Variants in XIRP2 observed in about 807,000 individuals in gnomAD.
XIRP2 encodes xin actin-binding repeat-containing protein 2.
Under a neutral mutation model 277.0 loss-of-function variants are expected in XIRP2, and 236 were observed. That is an observed-to-expected ratio of 0.85 (90% CI 0.77 to 0.95). The LOEUF (loss-of-function observed/expected upper bound fraction) is 0.95. XIRP2 is among the 40% of genes least tolerant of loss of function. XIRP2 has a pLI of 0.00. For missense variants in XIRP2, 4,640 were observed against 4,157.5 expected (o/e 1.12, Z -3.19); for synonymous variants, 1,490 against 1,416.5 (o/e 1.05, Z -1.17).
At chr2:166,983,243 T>A (rs1286128863) in intron 2 of XIRP2, among the ~76,000 whole-genome samples, 1 of 152,214 alleles carries the variant, frequency 6.6e-6, no homozygotes, top group Non-Finnish European at 1.5e-5. Flanking sequence ...ATATAATTTT[T>A]AATTCTACCT....
At chr2:167,143,109 G>C (rs1691767755) in intron 3 of XIRP2, among the ~76,000 whole-genome samples, 2 of 152,104 alleles carry the variant, frequency 1.3e-5, no homozygotes, top group South Asian at 2.1e-4. Context: ...ACACAGAATG[G>C]GAGCAGTAGT....
chr2:167,087,137 C>G (rs563986928), intron 2 of XIRP2, among the ~76,000 whole-genome samples: 134 of 152,234 alleles, frequency 8.8e-4, no homozygotes, highest in African/African-American at 3.1e-3. Context: ...GATGTCCTTT[C>G]TGTTTGTTAG....
intron 2 of XIRP2, among the ~76,000 whole-genome samples, chr2:166,950,125 C>G (rs1414281384): frequency 6.6e-6 from 1 of 151,946 alleles, no homozygotes; most frequent in African/African-American, 2.4e-5. Context: ...CCTTAAAATT[C>G]TAAGATATTA....
chr2:166,943,450 A>T (rs1488239905), intron 2 of XIRP2, among the ~76,000 whole-genome samples: 1 of 152,214 alleles, frequency 6.6e-6, no homozygotes, highest in East Asian at 1.9e-4. Context: ...TCTTCAGAAG[A>T]TCCAGCAAGG....
At chr2:166,902,338 G>T (rs1354930688) in intron 1 of XIRP2, among the ~76,000 whole-genome samples, 1 of 152,070 alleles carries the variant, frequency 6.6e-6, no homozygotes, top group Non-Finnish European at 1.5e-5. Flanking sequence ...TCTAATGTGT[G>T]CATTGAGTCC....
chr2:167,214,426 G>A (rs1012156304), intron 4 of XIRP2, among the ~76,000 whole-genome samples: 18 of 145,338 alleles, frequency 1.2e-4, no homozygotes, highest in African/African-American at 4.3e-4. Context: ...GCAGTGAGCC[G>A]AGATCGTGCT....
At chr2:167,118,494 TAAAATAAAA>T (rs1419481288) in intron 2 of XIRP2, among the ~76,000 whole-genome samples, 7 of 131,624 alleles carry the variant, frequency 5.3e-5, no homozygotes, top group Admixed American at 7.9e-5. Context: ...TAAAATAAAA[TAAAATAAAA>T]TAAAATAAAA....
Position 166,925,434 on chromosome 2 carries a change from G to A in XIRP2, c.408+21544G>A, listed in dbSNP as rs575743709. The stretch of plus-strand genomic sequence containing the variant: ...TGTATTGCTTTTTAGTTTATAGCAC[G>A]TTTAATTTCTCATCTATTATGATAT... On this transcript the variant is annotated intron_variant, in intron 2 of 10. Transcript: ENST00000409195. Among the ~76,000 whole-genome samples, 6 of 151,616 alleles carry A rather than the reference G, an allele frequency of 4.0e-5. No homozygotes were observed. The South Asian group carries it at 8.3e-4, about 21-fold the overall frequency.
At chr2:167,006,329 C>T (rs1037649327) in intron 2 of XIRP2, among the ~76,000 whole-genome samples, 7 of 151,318 alleles carry the variant, frequency 4.6e-5, no homozygotes, top group South Asian at 2.1e-4. Context: ...AATGGTGGGG[C>T]GGGGGGAATG....
At chr2:167,005,792 A>C in intron 2 of XIRP2, among the ~76,000 whole-genome samples, 1 of 69,294 alleles carries the variant, frequency 1.4e-5, no homozygotes, top group South Asian at 5.6e-4. Flanking sequence ...TTATTGATAA[A>C]AAAAAAAAAA....
chr2:167,096,959 T>C (rs2105281915), intron 2 of XIRP2, among the ~76,000 whole-genome samples: 1 of 152,306 alleles, frequency 6.6e-6, no homozygotes, highest in South Asian at 2.1e-4. Context: ...AGTGTTTTAC[T>C]TCCAATTATG....
At chr2:167,224,455 C>T (rs1694533731) in intron 5 of XIRP2, among the ~76,000 whole-genome samples, 1 of 151,730 alleles carries the variant, frequency 6.6e-6, no homozygotes, top group South Asian at 2.1e-4. Flanking sequence ...CCATTTTTCT[C>T]AGACTGGTCT....
intron 2 of XIRP2, among the ~76,000 whole-genome samples, chr2:166,937,691 T>A (rs1192433746): frequency 6.6e-6 from 1 of 152,212 alleles, no homozygotes; most frequent in Non-Finnish European, 1.5e-5. Flanking sequence ...TCCTTGTACC[T>A]CTGGTAGAAT....
chr2:166,961,572 T>A (rs139286233), intron 2 of XIRP2, among the ~76,000 whole-genome samples: 5 of 151,786 alleles, frequency 3.3e-5, no homozygotes, highest in African/African-American at 4.8e-5. Flanking sequence ...ACAATAGTTA[T>A]AACAATAATC....
At chr2:166,934,619 A>C (rs1216988650) in intron 2 of XIRP2, among the ~76,000 whole-genome samples, 1 of 152,234 alleles carries the variant, frequency 6.6e-6, no homozygotes, top group African/African-American at 2.4e-5. Context: ...TAAAATGTAC[A>C]CAAGGCACAT....
At chr2:167,052,957 T>C (rs1460791591) in intron 2 of XIRP2, among the ~76,000 whole-genome samples, 2 of 152,212 alleles carry the variant, frequency 1.3e-5, no homozygotes, top group Admixed American at 6.5e-5. Context: ...ACACTTTCTG[T>C]TGGTAATGCC....
chr2:167,242,099 T>G (rs1249568074), intron 8 of XIRP2, among the ~76,000 whole-genome samples, 189 bp downstream of exon 8: 1 of 152,174 alleles, frequency 6.6e-6, no homozygotes, highest in Admixed American at 6.5e-5. Flanking sequence ...CTTTTCTCAC[T>G]AGCAGAAAAT....
At chr2:167,053,306 T>C (rs1316230821) in intron 2 of XIRP2, among the ~76,000 whole-genome samples, 3 of 152,134 alleles carry the variant, frequency 2.0e-5, no homozygotes, top group Admixed American at 6.5e-5. Context: ...TTTACATATG[T>C]GTTTATTTGT....
In XIRP2 at chr2:167,066,418, G is replaced by A. The variant is rs192012797; in HGVS notation, c.409-69491G>A. ...TCAGGAAAATGCACATCAAAACAAC[G>A]ATGAAATATTATCTCATACCTGCTG... On this transcript the variant is annotated intron_variant, in intron 2 of 10. Transcript: ENST00000409195. Among the ~76,000 whole-genome samples the A allele has an allele frequency of 3.0e-3, 459 of 151,990 alleles. 1 individual carries two copies. Among genetic ancestry groups the A allele is most frequent in the African/African-American group, 0.01 (435 of 41,522 alleles).
Sources: gnomAD v4.1 joint callset for allele counts (sites outside exome capture counted in the v4.1 genomes callset) on GRCh38, gnomAD v4.1.1 for gene constraint, MANE v1.5 for transcripts, NCBI Gene and HGNC (gene_info 2026-07-23, HGNC 2026-07-21) for gene names.